CTNNA3: variants seen among roughly 807,000 people sequenced by gnomAD.
CTNNA3 encodes the protein catenin alpha-3.
Under a neutral mutation model 95.7 loss-of-function variants are expected in CTNNA3, and 76 were observed. The ratio of observed to expected loss-of-function variants is 0.79; its 90% confidence interval spans 0.66 to 0.96. The LOEUF (loss-of-function observed/expected upper bound fraction) is 0.96. Ranked by LOEUF, CTNNA3 falls within the 40% of genes least tolerant of loss-of-function variation. The pLI, the probability that CTNNA3 is intolerant of heterozygous loss-of-function variation, is 0.00. For missense variants in CTNNA3, 1,191 were observed against 1,089.8 expected (o/e 1.09, Z -1.31); for synonymous variants, 431 against 374.4 (o/e 1.15, Z -1.74).
intron 9 of CTNNA3, among the ~76,000 whole-genome samples, chr10:66,638,792 TC>T (rs5785772): frequency 0.67 from 101,011 of 151,754 alleles, 34,573 homozygotes; most frequent in East Asian, 0.95. Context: ...TTCTCTTTTC[TC>T]CCCCGCCCAT....
chr10:66,867,842 C>T (rs563913714), intron 7 of CTNNA3, among the ~76,000 whole-genome samples: 77 of 150,148 alleles, frequency 5.1e-4, no homozygotes, highest in Non-Finnish European at 9.9e-4. Context: ...ATTCTCTTCA[C>T]GTGTCTGCCA....
chr10:66,455,903 T>C (rs2093492080), intron 11 of CTNNA3, among the ~76,000 whole-genome samples: 1 of 152,210 alleles, frequency 6.6e-6, no homozygotes, highest in South Asian at 2.1e-4. Context: ...AAAACAATTT[T>C]ATTTCTGCAC....
chr10:66,810,546 C>A (rs1841834222), intron 7 of CTNNA3, among the ~76,000 whole-genome samples: 1 of 152,176 alleles, frequency 6.6e-6, no homozygotes, highest in African/African-American at 2.4e-5. Context: ...ATCTCTTTGC[C>A]CACAGATTTC....
chr10:67,688,257 A>C, intron 1 of CTNNA3, among the ~76,000 whole-genome samples: 1 of 152,074 alleles, frequency 6.6e-6, no homozygotes, highest in East Asian at 1.9e-4. Context: ...TACAGCTTGA[A>C]GGGGACATAA....
At chr10:66,775,874 A>G (rs1478316303) in intron 7 of CTNNA3, among the ~76,000 whole-genome samples, 2 of 152,202 alleles carry the variant, frequency 1.3e-5, no homozygotes, top group Non-Finnish European at 2.9e-5. Context: ...TAGATGCCCA[A>G]TTTGTCAACT....
intron 13 of CTNNA3, among the ~76,000 whole-genome samples, chr10:66,152,279 G>A (rs1467389503): frequency 6.6e-6 from 1 of 151,606 alleles, no homozygotes; most frequent in African/African-American, 2.4e-5. Context: ...ACAAGCACTT[G>A]GAAAAATACC....
intron 5 of CTNNA3, among the ~76,000 whole-genome samples, chr10:67,277,486 G>A (rs1444865921): frequency 6.6e-6 from 1 of 152,166 alleles, no homozygotes; most frequent in Non-Finnish European, 1.5e-5. Flanking sequence ...TTGGCAGCAT[G>A]GTAGTGTCAG....
At chr10:67,076,558 G>A (rs745527664) in intron 7 of CTNNA3, among the ~76,000 whole-genome samples, 1 of 152,152 alleles carries the variant, frequency 6.6e-6, no homozygotes, top group Non-Finnish European at 1.5e-5. Context: ...ACATAGAGAA[G>A]CCTGACTTTT....
chr10:66,095,558 TTAA>T (rs1322907752), intron 14 of CTNNA3, among the ~76,000 whole-genome samples: 1 of 152,140 alleles, frequency 6.6e-6, no homozygotes, highest in Non-Finnish European at 1.5e-5. Context: ...TTATGGCCTG[TTAA>T]AATGTTTTTA....
intron 7 of CTNNA3, among the ~76,000 whole-genome samples, chr10:67,008,833 C>T (rs1852160191): frequency 6.6e-6 from 1 of 152,022 alleles, no homozygotes; most frequent in African/African-American, 2.4e-5. Flanking sequence ...TCTTTGTTTA[C>T]CTTATTGTTT....
chr10:66,316,986 T>G (rs867801397), intron 12 of CTNNA3, among the ~76,000 whole-genome samples: 10 of 152,060 alleles, frequency 6.6e-5, no homozygotes, highest in Admixed American at 1.3e-4. Context: ...AAAGCACCCA[T>G]AAGATAGATG....
rs189241958 is a variant in CTNNA3 at position 66,448,326 on chromosome 10, G to A, written c.1532-68974C>T. ...ATTTGACCCAGCCATCCCATTACTG[G>A]GTATATACCCAAAGGATTATAAATC... is the stretch of plus-strand genomic sequence containing the variant. On this transcript the variant is annotated intron_variant, in intron 11 of 17. Transcript: ENST00000433211. Among the ~76,000 whole-genome samples, 747 of 152,130 alleles carry A rather than the reference G, an allele frequency of 4.9e-3. 6 individuals carry two copies. The highest frequency in any genetic ancestry group is 0.012 in the African/African-American group (498 of 41,492).
chr10:67,520,960 G>C (rs1391132844), intron 5 of CTNNA3, among the ~76,000 whole-genome samples: 1 of 152,146 alleles, frequency 6.6e-6, no homozygotes, highest in Non-Finnish European at 1.5e-5. Context: ...TCAAGTGATC[G>C]ACTCGAGGCC....
chr10:66,138,366 C>G lies in CTNNA3; in HGVS notation c.1885-35117G>C, dbSNP rs138207337. Among the ~76,000 whole-genome samples the G allele has an allele frequency of 1.1e-3, 169 of 152,230 alleles. 2 individuals carry two copies. In the East Asian group the frequency reaches 0.031, roughly 28 times the overall value. ...ACAGATAACAAACTTTGAATACTGACTATCTTTGGGCAATGATATCATGCT... is the reference window on the plus strand; with the variant it reads ...ACAGATAACAAACTTTGAATACTGAGTATCTTTGGGCAATGATATCATGCT... On this transcript the variant is annotated intron_variant, in intron 13 of 17. Transcript: ENST00000433211.
intron 15 of CTNNA3, among the ~76,000 whole-genome samples, chr10:66,067,830 C>T (rs1257389916): frequency 2.0e-5 from 3 of 152,042 alleles, no homozygotes; most frequent in South Asian, 2.1e-4. Flanking sequence ...GCAGAAGAAT[C>T]GTTTGAACCC....
intron 13 of CTNNA3, among the ~76,000 whole-genome samples, chr10:66,128,612 CAA>C (rs1348396657): frequency 6.6e-6 from 1 of 152,022 alleles, no homozygotes; most frequent in African/African-American, 2.4e-5. Flanking sequence ...ATTATGGAGA[CAA>C]TAAAGATCAA....
At chr10:67,598,376 C>A (rs1042446061) in intron 3 of CTNNA3, among the ~76,000 whole-genome samples, 1 of 152,096 alleles carries the variant, frequency 6.6e-6, no homozygotes, top group African/African-American at 2.4e-5. Context: ...TCCCTGGGAG[C>A]CTCTCAGGGC....
intron 6 of CTNNA3, among the ~76,000 whole-genome samples, chr10:67,183,961 A>C (rs746482621): frequency 6.6e-6 from 1 of 152,032 alleles, no homozygotes; most frequent in African/African-American, 2.4e-5. Flanking sequence ...TAAGATTAGG[A>C]AACAAAAAGG....
At position 66,412,832 on chromosome 10, in the gene CTNNA3, G is replaced by GAA. The variant is rs59044371; in HGVS notation, c.1532-33482_1532-33481dup. 5.8e-3 allele frequency among the ~76,000 whole-genome samples: 867 copies of GAA among 149,392 alleles called. 8 individuals carry two copies. Among genetic ancestry groups the GAA allele is most frequent in the African/African-American group, 0.02 (832 of 40,824 alleles). ...CCTGGAATATTATTTGGTAAAACTT[G>GAA]AAAAAAAAATGAATTCAATTACCAA... On this transcript the variant is annotated intron_variant, in intron 11 of 17. Coordinates refer to ENST00000433211, the MANE Select transcript of CTNNA3 (RefSeq NM_013266.4).
Sources: gnomAD v4.1 joint callset for allele counts (sites outside exome capture counted in the v4.1 genomes callset) on GRCh38, gnomAD v4.1.1 for gene constraint, MANE v1.5 for transcripts, NCBI Gene and HGNC (gene_info 2026-07-23, HGNC 2026-07-21) for gene names.